Variants in NKD1 observed in about 807,000 individuals in gnomAD.
NKD1 encodes NKD inhibitor of Wnt signaling pathway 1.
In NKD1, 21 loss-of-function variants were observed where a neutral mutation model predicts 56.0. The ratio of observed to expected loss-of-function variants is 0.38; its 90% CI spans 0.27 to 0.54. NKD1 has a LOEUF of 0.54. Among genes scored for constraint, NKD1 ranks in the 20% least tolerant of loss-of-function variants. The pLI, the probability that NKD1 is intolerant of heterozygous loss-of-function variation, is 0.82. For synonymous variants in NKD1, 263 were observed against 265.7 expected (o/e 0.99, Z 0.10); for missense variants, 578 against 642.7 (o/e 0.90, Z 1.09).
At chr16:50,592,589 C>T (rs533896371) in intron 3 of NKD1, among the ~76,000 whole-genome samples, 74 of 152,364 alleles carry the variant, frequency 4.9e-4, no homozygotes, top group Admixed American at 1.2e-3. Context: ...ACGAGTTTAG[C>T]CGGCTGGGGA....
At chr16:50,585,020 T>A (rs968707806) in intron 3 of NKD1, among the ~76,000 whole-genome samples, 1 of 152,230 alleles carries the variant, frequency 6.6e-6, no homozygotes, top group Admixed American at 6.5e-5. Context: ...TCCCTTGCTG[T>A]CCTCAGGAGT....
intron 3 of NKD1, among the ~76,000 whole-genome samples, chr16:50,602,912 G>A (rs535353301): frequency 6.6e-6 from 1 of 152,348 alleles, no homozygotes; most frequent in Non-Finnish European, 1.5e-5. Flanking sequence ...TTAACAGGAA[G>A]TGCATTGCCC....
rs1027204156 is a variant in NKD1 at position 50,637,409 on chromosome 16, A to G, written c.*3628A>G. On this transcript the variant is annotated 3_prime_UTR_variant, in exon 10 of 10. Coordinates refer to ENST00000268459, the MANE Select transcript of NKD1 (RefSeq NM_033119.5). ...TGGTGAAACCCCGTTTCTACTAAAA[A>G]TACAAAAAATTAGCTGGGCATGGTG... is the stretch of plus-strand genomic sequence containing the variant. 2 of 152,180 alleles carry G rather than the reference A, an allele frequency of 1.3e-5. No homozygotes were observed. The highest frequency in any genetic ancestry group is 4.8e-5 in the African/African-American group (2 of 41,436). 9.4% of individuals were successfully genotyped at this position (152,180 alleles called of 1,614,324 possible).
chr16:50,588,260 T>C (rs928159386), intron 3 of NKD1, among the ~76,000 whole-genome samples: 3 of 152,248 alleles, frequency 2.0e-5, no homozygotes, highest in Non-Finnish European at 4.4e-5. Flanking sequence ...ATTTAAATGC[T>C]GATTTCAAGT....
chr16:50,567,014 C>CT lies in NKD1; in HGVS notation c.192+17468dup, dbSNP rs946710565. Among the ~76,000 whole-genome samples, 52 of 150,674 alleles carry CT rather than the reference C, an allele frequency of 3.5e-4. No individual in the cohort carries two copies. The East Asian group carries it at 3.9e-3, about 11-fold the overall frequency. ...TGTTTTAGTTTTTATGGCCCCCCCC[C>CT]TTTTTTTTTAAGACTTAATTGCATT... On this transcript the variant is annotated intron_variant, in intron 3 of 9. Coordinates refer to ENST00000268459, the MANE Select transcript of NKD1 (RefSeq NM_033119.5).
chr16:50,614,886 G>A (rs981182530), intron 4 of NKD1, among the ~76,000 whole-genome samples: 1 of 152,190 alleles, frequency 6.6e-6, no homozygotes, highest in African/African-American at 2.4e-5. Flanking sequence ...TCCTGACTTG[G>A]AAAGGGCCCG....
At chr16:50,603,699 A>G (rs1020605828) in intron 3 of NKD1, among the ~76,000 whole-genome samples, 1 of 152,188 alleles carries the variant, frequency 6.6e-6, no homozygotes, top group East Asian at 1.9e-4. Context: ...AAAAACCCCA[A>G]CCAAACTCCA....
In NKD1 at chr16:50,566,047, T is replaced by C. The variant is rs1023141049; in HGVS notation, c.192+16492T>C. On this transcript the variant is annotated intron_variant, in intron 3 of 9. Coordinates refer to ENST00000268459, the MANE Select transcript of NKD1 (RefSeq NM_033119.5). ...ATATGATCACCAGGTGTGGCTCTGC[T>C]ATTTTTCTGGCAAAGCTGGAGTTTT... 19 of 491,190 alleles carry C rather than the reference T, an allele frequency of 3.9e-5. No homozygotes were observed. The African/African-American group carries it at 4.0e-4, about 10-fold the overall frequency. The allele number at this position is 491,190 out of a possible 1,614,324, so 30.4% of individuals were successfully genotyped here.
chr16:50,583,047 C>T (rs771199871), intron 3 of NKD1, among the ~76,000 whole-genome samples: 80 of 152,316 alleles, frequency 5.3e-4, no homozygotes, highest in Middle Eastern at 3.4e-3. Flanking sequence ...AGGATGTGTG[C>T]TGCTACCGAC....
chr16:50,561,688 G>A (rs1040182868), intron 3 of NKD1, among the ~76,000 whole-genome samples: 25 of 152,078 alleles, frequency 1.6e-4, no homozygotes, highest in African/African-American at 5.8e-4. Flanking sequence ...GAGTATAGAA[G>A]CAAAAACGGC....
intron 3 of NKD1, chr16:50,573,917 A>G: frequency 1.0e-6 from 1 of 985,346 alleles, no homozygotes; most frequent in Non-Finnish European, 1.2e-6. Flanking sequence ...TTGACTATAT[A>G]TGTCTGGGGT....
chr16:50,625,216 C>T (rs1351373849), intron 5 of NKD1: 2 of 519,698 alleles, frequency 3.8e-6, no homozygotes, highest in East Asian at 6.7e-5. Flanking sequence ...TTCTCAGAAC[C>T]CCCTGTGTTT....
rs1426932483 is a variant in NKD1 at position 50,641,790 on chromosome 16, T to G, written c.*8009T>G. 6.6e-6 allele frequency: 1 copy of G among 152,332 alleles called. No homozygotes were observed. Among genetic ancestry groups the G allele is most frequent in the Non-Finnish European group, 1.5e-5 (1 of 68,156 alleles). The allele number at this position is 152,332 out of a possible 1,614,324, so 9.4% of individuals were successfully genotyped here. On this transcript the variant is annotated 3_prime_UTR_variant, in exon 10 of 10. Coordinates refer to ENST00000268459, the MANE Select transcript of NKD1 (RefSeq NM_033119.5). ...AGCTTCAGGCATGGGAGGACTTTCATGGGGAAGTCTTTGGGGCAGTCCTGG... is the reference window on the plus strand; with the variant it reads ...AGCTTCAGGCATGGGAGGACTTTCAGGGGGAAGTCTTTGGGGCAGTCCTGG...
At chr16:50,605,314 T>C (rs113621189) in intron 3 of NKD1, among the ~76,000 whole-genome samples, 2 of 152,332 alleles carry the variant, frequency 1.3e-5, no homozygotes, top group African/African-American at 4.8e-5. Flanking sequence ...ACTTCAGGGT[T>C]GAGGCCACTT....
Position 50,636,589 on chromosome 16 carries a change from C to G in NKD1, c.*2808C>G, listed in dbSNP as rs990484023. ...TGCTAGGTTCGAATCCTGACTCCCT[C>G]TTTGTAGCTCTGTGCTTCAATTGAA... is the stretch of plus-strand genomic sequence containing the variant. On this transcript the variant is annotated 3_prime_UTR_variant, in exon 10 of 10. Coordinates refer to ENST00000268459, the MANE Select transcript of NKD1 (RefSeq NM_033119.5). 4 of 152,192 alleles carry G rather than the reference C, an allele frequency of 2.6e-5. No individual in the cohort carries two copies. The highest frequency in any genetic ancestry group is 4.4e-5 in the Non-Finnish European group (3 of 68,058). 9.4% of individuals were successfully genotyped at this position (152,192 alleles called of 1,614,324 possible).
chr16:50,610,066 C>G (rs181815938), intron 4 of NKD1, among the ~76,000 whole-genome samples: 2 of 152,248 alleles, frequency 1.3e-5, no homozygotes, highest in African/African-American at 4.8e-5. Context: ...CATGGTGGCT[C>G]AAACCTATAA....
chr16:50,609,904 C>G (rs1961805419), intron 4 of NKD1, among the ~76,000 whole-genome samples: 1 of 152,206 alleles, frequency 6.6e-6, no homozygotes, highest in Non-Finnish European at 1.5e-5. Flanking sequence ...CCAGACCATC[C>G]TCAGGAGTTT....
At chr16:50,582,992 C>A (rs957264031) in intron 3 of NKD1, among the ~76,000 whole-genome samples, 2 of 152,010 alleles carry the variant, frequency 1.3e-5, no homozygotes, top group African/African-American at 4.8e-5. Context: ...GGCGACAGCG[C>A]GAGACTCCAT....
intron 3 of NKD1, among the ~76,000 whole-genome samples, chr16:50,572,315 C>A (rs561438954): frequency 2.0e-4 from 31 of 152,294 alleles, no homozygotes; most frequent in African/African-American, 7.2e-4. Flanking sequence ...TGGCAGGGGG[C>A]AGGATATTGT....
Sources: gnomAD v4.1 joint callset for allele counts (sites outside exome capture counted in the v4.1 genomes callset) on GRCh38, gnomAD v4.1.1 for gene constraint, MANE v1.5 for transcripts, NCBI Gene and HGNC (gene_info 2026-07-23, HGNC 2026-07-21) for gene names.